TTC7A: variants seen among roughly 807,000 people sequenced by gnomAD.
The protein encoded by TTC7A is tetratricopeptide repeat domain 7A.
In TTC7A, 110 loss-of-function variants were observed where a neutral mutation model predicts 103.7. The ratio of observed to expected loss-of-function variants is 1.06; its 90% confidence interval spans 0.91 to 1.24. TTC7A has a LOEUF of 1.24. TTC7A is among the 50% of genes most tolerant of loss of function. The pLI is 0.00. For missense variants in TTC7A, 1,340 were observed against 1,116.3 expected, an observed-to-expected ratio of 1.20 and a Z score of -2.86; for synonymous variants, 521 against 467.9, an observed-to-expected ratio of 1.11 and a Z score of -1.47.
At chr2:46,928,160 G>A (rs967701239) in intron 2 of TTC7A, among the ~76,000 whole-genome samples, 5 of 151,736 alleles carry the variant, frequency 3.3e-5, no homozygotes, top group Non-Finnish European at 4.4e-5. Flanking sequence ...CCAAAGTGCC[G>A]GGATTACAGG....
chr2:46,922,170 T>G (rs549165122), intron 2 of TTC7A, among the ~76,000 whole-genome samples: 54 of 152,188 alleles, frequency 3.5e-4, no homozygotes, highest in African/African-American at 1.2e-3. Flanking sequence ...TACTTATAGA[T>G]TCTGATGACC....
At chr2:47,053,598 G>A (rs1163895366) in intron 18 of TTC7A, among the ~76,000 whole-genome samples, 1 of 146,052 alleles carries the variant, frequency 6.8e-6, no homozygotes, top group Non-Finnish European at 1.5e-5. Flanking sequence ...TTGAGGCAGA[G>A]TCTCACTCTG....
At chr2:46,943,037 C>G (rs1670587291) in intron 1 of TTC7A, among the ~76,000 whole-genome samples, 2 of 152,102 alleles carry the variant, frequency 1.3e-5, no homozygotes, top group African/African-American at 2.4e-5. Context: ...TCCCAAGTAG[C>G]TGGGACTACA....
intron 1 of TTC7A, among the ~76,000 whole-genome samples, chr2:46,948,485 A>C (rs1671124152): frequency 1.3e-5 from 2 of 152,310 alleles, no homozygotes; most frequent in East Asian, 1.9e-4. Flanking sequence ...AAAAGTCATG[A>C]GGTACATAGC....
At position 47,011,217 on chromosome 2, in the gene TTC7A, C is replaced by T. The variant is rs955210039; in HGVS notation, c.1288-114C>T. 1.2e-5 allele frequency: 12 copies of T among 964,676 alleles called. No homozygotes were observed. In the African/African-American group the frequency reaches 1.6e-4, roughly 13 times the overall value. 59.8% of individuals were successfully genotyped at this position (964,676 alleles called of 1,614,324 possible). A position where few individuals can be genotyped will look rare whatever the true frequency, so the allele number is the denominator to read the frequency against. Reference sequence around the variant, plus strand: ...TCTGCCCTGGACCTCTTCCTGGCTCCTGAGAGCAAAGGGATACAGAGCAAG... The same window carrying T: ...TCTGCCCTGGACCTCTTCCTGGCTCTTGAGAGCAAAGGGATACAGAGCAAG... On this transcript the variant is annotated intron_variant, in intron 10 of 19. Coordinates refer to ENST00000319190, the MANE Select transcript of TTC7A (RefSeq NM_020458.4).
At chr2:47,054,832 T>C (rs1683177257) in intron 18 of TTC7A, among the ~76,000 whole-genome samples, 1 of 121,352 alleles carries the variant, frequency 8.2e-6, no homozygotes, top group Admixed American at 8.2e-5. Context: ...TGAGACCCTG[T>C]CTCAAAAAAA....
intron 2 of TTC7A, among the ~76,000 whole-genome samples, chr2:46,952,612 C>T (rs543091495): frequency 7.0e-4 from 107 of 152,200 alleles, no homozygotes; most frequent in Non-Finnish European, 1.3e-3. Context: ...ATTAGCTAGG[C>T]GTGGTGGCTT....
intron 19 of TTC7A, among the ~76,000 whole-genome samples, chr2:47,063,553 G>A (rs2104791293): frequency 6.6e-6 from 1 of 152,344 alleles, no homozygotes; most frequent in Admixed American, 6.5e-5. Flanking sequence ...ATGTCCATCA[G>A]TCATCTGAGC....
At chr2:47,008,879 T>C (rs543188428) in intron 10 of TTC7A, among the ~76,000 whole-genome samples, 1 of 150,878 alleles carries the variant, frequency 6.6e-6, no homozygotes, top group East Asian at 1.9e-4. Flanking sequence ...TTGCATTGGC[T>C]GTGTTGCTAG....
chr2:47,024,059 G>T (rs955184997), intron 13 of TTC7A, among the ~76,000 whole-genome samples: 7 of 152,192 alleles, frequency 4.6e-5, no homozygotes, highest in Non-Finnish European at 2.9e-5. Context: ...CCCTACCTCA[G>T]TGAGTGCCAG....
intron 19 of TTC7A, among the ~76,000 whole-genome samples, chr2:47,073,278 C>T (rs1203294177): frequency 6.6e-6 from 1 of 152,192 alleles, no homozygotes; most frequent in Non-Finnish European, 1.5e-5. Flanking sequence ...CTGCCAGACA[C>T]TTCTCAGAGC....
At chr2:46,980,599 C>T (rs1015411730) in intron 5 of TTC7A, among the ~76,000 whole-genome samples, 13 of 152,202 alleles carry the variant, frequency 8.5e-5, no homozygotes, top group African/African-American at 3.1e-4. Flanking sequence ...CTGACACCAG[C>T]TGGGTTTCCA....
chr2:47,014,664 C>A (rs1678449086), intron 11 of TTC7A, among the ~76,000 whole-genome samples: 1 of 152,256 alleles, frequency 6.6e-6, no homozygotes, highest in African/African-American at 2.4e-5. Context: ...AGGCGGCTCA[C>A]ACCCCCTTCG....
intron 18 of TTC7A, among the ~76,000 whole-genome samples, chr2:47,058,546 C>G (rs996737685): frequency 2.0e-5 from 3 of 152,336 alleles, no homozygotes; most frequent in African/African-American, 4.8e-5. Flanking sequence ...CAGACATAAT[C>G]TGAACTAGGG....
In TTC7A at chr2:47,021,966, G is replaced by T. The variant is rs1277198915; in HGVS notation, c.1497G>T (p.Leu499=). The T allele has an allele frequency of 1.4e-5, 23 of 1,611,698 alleles. No individual in the cohort carries two copies. The highest frequency in any genetic ancestry group is 2.0e-5 in the Non-Finnish European group (23 of 1,178,172). The change falls in exon 12 of 20, where the codon CTG becomes CTT. Residue 499 remains leucine (L), a synonymous_variant. Transcript: ENST00000319190. Reference sequence around the variant, plus strand: ...TGGCTCTGGGTCTCACCTATAGCCTGCAGGCCACCGACGGTGAGTGCCAGG... The same window carrying T: ...TGGCTCTGGGTCTCACCTATAGCCTTCAGGCCACCGACGGTGAGTGCCAGG... ...GYLALGLTYS[L]QATDATLKSK...
At chr2:46,919,939 C>T (rs570642572) in intron 2 of TTC7A, among the ~76,000 whole-genome samples, 3 of 152,338 alleles carry the variant, frequency 2.0e-5, no homozygotes, top group African/African-American at 4.8e-5. Flanking sequence ...TTGTATTTCT[C>T]TCTCCCTTAT....
chr2:47,064,823 G>C (rs2104796477), intron 19 of TTC7A, among the ~76,000 whole-genome samples: 1 of 152,322 alleles, frequency 6.6e-6, no homozygotes, highest in East Asian at 1.9e-4. Flanking sequence ...GGCTTGACTT[G>C]GTTTCCCAGT....
chr2:46,929,601 G>C (rs867126432), intron 2 of TTC7A, among the ~76,000 whole-genome samples: 16 of 152,190 alleles, frequency 1.1e-4, no homozygotes, highest in African/African-American at 3.9e-4. Context: ...AAATTTCTGT[G>C]TATCAGTGCT....
intron 2 of TTC7A, among the ~76,000 whole-genome samples, chr2:46,933,132 T>G: frequency 6.6e-6 from 1 of 152,172 alleles, no homozygotes; most frequent in East Asian, 1.9e-4. Context: ...GGAGAAATCA[T>G]GGGCTCCTGC....
Sources: gnomAD v4.1 joint callset for allele counts (sites outside exome capture counted in the v4.1 genomes callset) on GRCh38, gnomAD v4.1.1 for gene constraint, MANE v1.5 for transcripts, NCBI Gene and HGNC (gene_info 2026-07-23, HGNC 2026-07-21) for gene names.